Variants in PATJ observed in about 807,000 individuals in gnomAD.
The protein encoded by PATJ is PATJ crumbs cell polarity complex component, also known as inaD-like protein.
In PATJ, 190 loss-of-function variants were observed where a neutral mutation model predicts 224.9. The observed-to-expected ratio is 0.84, with a 90% CI of 0.75 to 0.95. PATJ has a LOEUF of 0.95. PATJ is among the 40% of genes least tolerant of loss of function. The pLI is 0.00. For synonymous variants in PATJ, 769 were observed against 820.3 expected, an observed-to-expected ratio of 0.94 and a Z score of 1.07; for missense variants, 2,121 against 2,270.3, an observed-to-expected ratio of 0.93 and a Z score of 1.34.
chr1:61,761,343 A>C (rs1369177486), intron 1 of PATJ, among the ~76,000 whole-genome samples: 1 of 152,168 alleles, frequency 6.6e-6, no homozygotes, highest in African/African-American at 2.4e-5. Flanking sequence ...CAATGTGTCC[A>C]TCACTCCAAA....
chr1:61,937,207 GGACCACT>G (rs1291923381), intron 27 of PATJ, among the ~76,000 whole-genome samples: 3 of 151,876 alleles, frequency 2.0e-5, no homozygotes, highest in Non-Finnish European at 4.4e-5. Context: ...AAGAATTCAA[GGACCACT>G]GGTTAACAAT....
chr1:61,864,735 C>T (rs943266043), intron 20 of PATJ, 102 bp downstream of exon 20: 45 of 1,062,154 alleles, frequency 4.2e-5, no homozygotes, highest in Non-Finnish European at 5.5e-5. Flanking sequence ...TTTAAATGGG[C>T]CTTTCCGTAA....
intron 40 of PATJ, chr1:62,128,569 T>C (rs1254955555): frequency 4.8e-6 from 2 of 415,290 alleles, no homozygotes; most frequent in Non-Finnish European, 8.8e-6. Context: ...GGCAAATGGT[T>C]GTATGAAACA....
At position 61,869,938 on chromosome 1, in the gene PATJ, G is replaced by A. The variant is rs111403835; in HGVS notation, c.2835+5305G>A. 6.5e-3 allele frequency among the ~76,000 whole-genome samples: 992 copies of A among 152,300 alleles called. 13 individuals carry two copies. Among genetic ancestry groups the A allele is most frequent in the African/African-American group, 0.023 (944 of 41,564 alleles). ...CAGCGGCAGCATCTAGGGGAGGTGC[G>A]TGCAATCCCCGAAGCCCCAGTGGGC... On this transcript the variant is annotated intron_variant, in intron 20 of 43. Coordinates refer to ENST00000642238, the MANE Select transcript of PATJ (RefSeq NM_001350145.3).
chr1:62,074,919 A>G (rs961626820), intron 31 of PATJ, among the ~76,000 whole-genome samples: 5 of 152,142 alleles, frequency 3.3e-5, no homozygotes, highest in Admixed American at 6.5e-5. Flanking sequence ...AGCTGAGATC[A>G]CAGCACTGCA....
intron 33 of PATJ, among the ~76,000 whole-genome samples, chr1:62,101,982 C>T (rs1222221339): frequency 6.6e-6 from 1 of 152,080 alleles, no homozygotes; most frequent in Non-Finnish European, 1.5e-5. Flanking sequence ...AGTTTGAGAC[C>T]AGCCTGGGCA....
intron 21 of PATJ, among the ~76,000 whole-genome samples, chr1:61,877,537 G>A (rs530768125): frequency 5.0e-4 from 76 of 152,046 alleles, no homozygotes; most frequent in African/African-American, 1.8e-3. Context: ...CTGTTCTCAT[G>A]ATAGTGAGTG....
intron 39 of PATJ, among the ~76,000 whole-genome samples, chr1:62,127,172 A>G (rs1476245193): frequency 6.6e-6 from 1 of 152,198 alleles, no homozygotes; most frequent in African/African-American, 2.4e-5. Flanking sequence ...AAAATGAGAA[A>G]TATATAATTA....
At chr1:62,108,168 C>A (rs1052371253) in intron 33 of PATJ, among the ~76,000 whole-genome samples, 7 of 152,088 alleles carry the variant, frequency 4.6e-5, no homozygotes, top group African/African-American at 1.7e-4. Flanking sequence ...TCATACACAG[C>A]AGCAATGTAC....
At chr1:61,766,837 A>G (rs962029898) in intron 4 of PATJ, among the ~76,000 whole-genome samples, 1 of 152,214 alleles carries the variant, frequency 6.6e-6, no homozygotes, top group Non-Finnish European at 1.5e-5. Context: ...TCACACCTGT[A>G]ATTGCATCAC....
intron 33 of PATJ, among the ~76,000 whole-genome samples, chr1:62,085,681 T>G (rs1659874545): frequency 6.6e-6 from 1 of 151,842 alleles, no homozygotes; most frequent in Non-Finnish European, 1.5e-5. Context: ...TAGCAAGGCA[T>G]GGTGGCACAC....
chr1:61,903,693 T>C (rs1346641389), intron 24 of PATJ, among the ~76,000 whole-genome samples: 1 of 152,164 alleles, frequency 6.6e-6, no homozygotes. Flanking sequence ...GTATTCCTAT[T>C]AGTTACTTTT....
rs778827470 is a variant in PATJ at position 61,763,000 on chromosome 1, A to G, written c.23-13A>G. 19 of 1,602,904 alleles carry G rather than the reference A, an allele frequency of 1.2e-5. No homozygotes were observed. The highest frequency in any genetic ancestry group is 2.2e-5 in the South Asian group (2 of 89,048). Reference sequence around the variant, plus strand: ...GACTTAACTATTACTCTACTTATTCATCTTGACCCAAGATAAACTGCAGGT... The same window carrying G: ...GACTTAACTATTACTCTACTTATTCGTCTTGACCCAAGATAAACTGCAGGT... On this transcript the variant is annotated splice_polypyrimidine_tract_variant and intron_variant, in intron 2 of 43. Transcript: ENST00000642238.
intron 28 of PATJ, among the ~76,000 whole-genome samples, chr1:61,994,029 A>C (rs1479220628): frequency 6.6e-6 from 1 of 151,986 alleles, no homozygotes; most frequent in Non-Finnish European, 1.5e-5. Context: ...ACTCCCCATC[A>C]CTCCACAAAG....
intron 30 of PATJ, among the ~76,000 whole-genome samples, chr1:62,042,424 CTTT>C (rs1440924877): frequency 6.6e-6 from 1 of 152,122 alleles, no homozygotes; most frequent in Non-Finnish European, 1.5e-5. Flanking sequence ...CTTAGTATAT[CTTT>C]TTCCCCCTTA....
At chr1:61,937,680 T>C (rs1003677108) in intron 27 of PATJ, among the ~76,000 whole-genome samples, 2 of 150,012 alleles carry the variant, frequency 1.3e-5, no homozygotes, top group Admixed American at 1.3e-4. Flanking sequence ...GACGGAGCGT[T>C]GCTCTTGTTG....
At chr1:61,946,462 T>A (rs958173970) in intron 27 of PATJ, among the ~76,000 whole-genome samples, 2 of 151,902 alleles carry the variant, frequency 1.3e-5, no homozygotes, top group African/African-American at 4.8e-5. Context: ...AACTAGAAAA[T>A]CTAGAAGAAA....
intron 41 of PATJ, among the ~76,000 whole-genome samples, chr1:62,138,174 C>T (rs1486487988): frequency 6.6e-6 from 1 of 152,100 alleles, no homozygotes; most frequent in Non-Finnish European, 1.5e-5. Context: ...AACCATTTGG[C>T]GACTTAGGAA....
chr1:61,831,005 G>A (rs148250760), intron 16 of PATJ, among the ~76,000 whole-genome samples: 3,004 of 152,112 alleles, frequency 0.02, 94 homozygotes, highest in African/African-American at 0.067. Context: ...GACTAACACA[G>A]TGAAACCCCA....
Sources: gnomAD v4.1 joint callset for allele counts (sites outside exome capture counted in the v4.1 genomes callset) on GRCh38, gnomAD v4.1.1 for gene constraint, MANE v1.5 for transcripts, NCBI Gene and HGNC (gene_info 2026-07-23, HGNC 2026-07-21) for gene names.